The following TNRC6B variants were observed in gnomAD, a reference collection of about 807,000 sequenced individuals.
TNRC6B encodes the protein trinucleotide repeat containing adaptor 6B, also known as trinucleotide repeat-containing gene 6B protein.
In TNRC6B, 52 loss-of-function variants were observed where a neutral mutation model predicts 203.6. The observed-to-expected ratio is 0.26, with a 90% CI of 0.20 to 0.32. The LOEUF is 0.32. Among genes scored for constraint, TNRC6B ranks in the 10% least tolerant of loss-of-function variants. The pLI is 1.00. For synonymous variants in TNRC6B, 838 were observed against 845.7 expected (o/e 0.99, Z 0.16); for missense variants, 1,923 against 2,286.2 (o/e 0.84, Z 3.24).
At position 40,210,030 on chromosome 22, in the gene TNRC6B, AAAG is replaced by A. The variant is rs1278650142; in HGVS notation, c.5+31892_5+31894del. 1.1e-3 allele frequency among the ~76,000 whole-genome samples: 165 copies of A among 151,350 alleles called. 1 individual carries two copies. Among genetic ancestry groups the A allele is most frequent in the African/African-American group, 3.9e-3 (161 of 41,170 alleles). ...GAGACTCTGTCTCAAAAAAAAAAAA[AAAG>A]AGAGAATGCAGATGTGAACACATGC... On this transcript the variant is annotated intron_variant, in intron 1 of 22. Coordinates refer to ENST00000454349, the MANE Select transcript of TNRC6B (RefSeq NM_001162501.2).
intron 1 of TNRC6B, among the ~76,000 whole-genome samples, chr22:40,068,177 T>C (rs559627441): frequency 6.6e-6 from 1 of 152,300 alleles, no homozygotes; most frequent in East Asian, 1.9e-4. Context: ...GTTTGAATTC[T>C]TAGATTTTTA....
intron 1 of TNRC6B, among the ~76,000 whole-genome samples, chr22:40,068,464 C>T (rs538396374): frequency 1.1e-4 from 16 of 151,864 alleles, no homozygotes; most frequent in African/African-American, 1.9e-4. Flanking sequence ...ACTACAGGCA[C>T]GCGCCACCAT....
chr22:40,106,815 G>A, intron 1 of TNRC6B: 1 of 1,110,406 alleles, frequency 9.0e-7, no homozygotes, highest in Non-Finnish European at 1.4e-6. Context: ...GGTTCTGCAG[G>A]TACATAGAAG....
chr22:40,077,332 AC>A (rs1281260801), intron 1 of TNRC6B, among the ~76,000 whole-genome samples: 2 of 152,116 alleles, frequency 1.3e-5, no homozygotes, highest in Non-Finnish European at 2.9e-5. Context: ...CTCAGAAATC[AC>A]AGTGCTAACT....
chr22:40,161,257 C>G (rs1181434343), intron 4 of TNRC6B, among the ~76,000 whole-genome samples: 1 of 152,144 alleles, frequency 6.6e-6, no homozygotes, highest in East Asian at 1.9e-4. Context: ...TTAATTGATT[C>G]ACTACTCAGT....
rs2070449246 is a variant in TNRC6B, at chr22:40,264,803, T to C, written c.573T>C (p.Ile191=). ...PNPIHIWDKV[I]VDGSDMEEWP... ...CAATTCACATCTGGGACAAGGTGAT[T>C]GTAGACGGGTCTGACATGGAAGAGT... is the stretch of plus-strand genomic sequence containing the variant. Residue 191 remains isoleucine (I), a synonymous_variant, in exon 5 of 23, where the codon ATT becomes ATC. Transcript: ENST00000454349. The C allele has an allele frequency of 6.2e-7, 1 of 1,613,938 alleles. No homozygotes were observed. Among genetic ancestry groups the C allele is most frequent in the African/African-American group, 1.3e-5 (1 of 75,014 alleles).
At chr22:40,212,559 C>T (rs1196847166) in intron 1 of TNRC6B, among the ~76,000 whole-genome samples, 1 of 152,248 alleles carries the variant, frequency 6.6e-6, no homozygotes, top group Admixed American at 6.5e-5. Flanking sequence ...TGAGTTTCTA[C>T]ATACTTCCAG....
Position 40,331,762 on chromosome 22 carries a change from G to A in TNRC6B, c.*8521G>A, listed in dbSNP as rs7285968. Reference sequence around the variant, plus strand: ...CATTCTGCAAAGGGGGTGGGGAGGAGAGGGCAGAAAGGGGAAGGGAGTAGC... The same window carrying A: ...CATTCTGCAAAGGGGGTGGGGAGGAAAGGGCAGAAAGGGGAAGGGAGTAGC... On this transcript the variant is annotated 3_prime_UTR_variant, in exon 23 of 23. Transcript: ENST00000454349. The A allele has an allele frequency of 4.4e-5, 17 of 382,710 alleles. No individual in the cohort carries two copies. The East Asian group carries it at 6.2e-4, about 14-fold the overall frequency. 23.7% of individuals were successfully genotyped at this position (382,710 alleles called of 1,614,324 possible). A position where few individuals can be genotyped will look rare whatever the true frequency, so the allele number is the denominator to read the frequency against.
At chr22:40,047,294 C>T (rs1281994516) in intron 1 of TNRC6B, among the ~76,000 whole-genome samples, 1 of 152,056 alleles carries the variant, frequency 6.6e-6, no homozygotes, top group Non-Finnish European at 1.5e-5. Flanking sequence ...TTAGGTTGCC[C>T]ATACCTAACT....
chr22:40,254,569 G>A (rs1372660522), intron 3 of TNRC6B, among the ~76,000 whole-genome samples: 1 of 152,120 alleles, frequency 6.6e-6, no homozygotes, highest in Non-Finnish European at 1.5e-5. Flanking sequence ...TTTAATGAGA[G>A]TTTATCAGCA....
At chr22:40,140,098 A>G (rs2068632996) in intron 3 of TNRC6B, among the ~76,000 whole-genome samples, 1 of 152,200 alleles carries the variant, frequency 6.6e-6, no homozygotes. Context: ...GAATTACATT[A>G]GTCTTCTGAT....
intron 4 of TNRC6B, 69 bp from the exon 5 acceptor site, chr22:40,264,619 C>A (rs2070444904): frequency 1.4e-6 from 2 of 1,481,422 alleles, no homozygotes; most frequent in African/African-American, 1.4e-5. Context: ...CAAAGGAGAG[C>A]CCCTTTGAGG....
intron 1 of TNRC6B, among the ~76,000 whole-genome samples, chr22:40,188,201 T>G (rs551493859): frequency 6.6e-6 from 1 of 152,118 alleles, no homozygotes; most frequent in Admixed American, 6.5e-5. Context: ...AGAGCAACAC[T>G]GTGTCTCAAA....
chr22:40,051,576 TTGTTTA>T (rs1400089048), intron 1 of TNRC6B, among the ~76,000 whole-genome samples: 2 of 152,092 alleles, frequency 1.3e-5, no homozygotes, highest in African/African-American at 2.4e-5. Flanking sequence ...AAACAGTGCT[TTGTTTA>T]TGTTTCCTGC....
intron 1 of TNRC6B, among the ~76,000 whole-genome samples, chr22:40,222,804 C>CATAT (rs1391715020): frequency 2.5e-5 from 3 of 118,338 alleles, no homozygotes; most frequent in African/African-American, 1.0e-4. Flanking sequence ...AGTGCGGTGG[C>CATAT]ATATCAGCTC....
intron 1 of TNRC6B, among the ~76,000 whole-genome samples, chr22:40,094,446 C>T (rs80234969): frequency 8.8e-4 from 134 of 151,968 alleles, no homozygotes; most frequent in Non-Finnish European, 1.6e-3. Flanking sequence ...TACTCAAGTA[C>T]AGGAGAAAAT....
At chr22:40,107,556 C>G (rs1018021698) in intron 1 of TNRC6B, among the ~76,000 whole-genome samples, 1 of 152,070 alleles carries the variant, frequency 6.6e-6, no homozygotes, top group African/African-American at 2.4e-5. Context: ...ATGACTGTTT[C>G]TATTTTTTAT....
chr22:40,210,008 ACT>A (rs2069539072), intron 1 of TNRC6B, among the ~76,000 whole-genome samples: 1 of 115,688 alleles, frequency 8.6e-6, no homozygotes, highest in Non-Finnish European at 1.7e-5. Context: ...ACAGAGTGAG[ACT>A]CTGTCTCAAA....
intron 1 of TNRC6B, among the ~76,000 whole-genome samples, chr22:40,076,717 C>G (rs942320321): frequency 6.6e-6 from 1 of 152,082 alleles, no homozygotes; most frequent in Non-Finnish European, 1.5e-5. Flanking sequence ...TATTAAGAGA[C>G]TGAAAAAATG....
Sources: allele counts gnomAD v4.1 joint callset (sites outside exome capture counted in the v4.1 genomes callset), GRCh38; gene constraint gnomAD v4.1.1; transcripts MANE v1.5; gene names NCBI Gene and HGNC (gene_info 2026-07-23, HGNC 2026-07-21).